Variants in NBPF15 observed in about 807,000 individuals in gnomAD.
NBPF15 encodes NBPF family member NBPF15.
Under a neutral mutation model 62.2 loss-of-function variants are expected in NBPF15, and 74 were observed. The observed-to-expected ratio is 1.19, with a 90% CI of 0.99 to 1.44. The LOEUF (loss-of-function observed/expected upper bound fraction) is 1.44. NBPF15 is among the 40% of genes most tolerant of loss of function. The pLI, the probability that NBPF15 is intolerant of heterozygous loss-of-function variation, is 0.00. For missense variants in NBPF15, 790 were observed against 550.0 expected (o/e 1.44, Z -4.36); for synonymous variants, 244 against 209.7 (o/e 1.16, Z -1.41).
At position 144,422,665 on chromosome 1, in the gene NBPF15, T is replaced by C. The variant is rs1391232470; in HGVS notation, c.*348A>G. The C allele has an allele frequency of 1.6e-5, 7 of 429,484 alleles. No individual in the cohort carries two copies. Among genetic ancestry groups the C allele is most frequent in the Non-Finnish European group, 2.5e-5 (6 of 236,422 alleles). The allele number at this position is 429,484 out of a possible 1,614,324, so 26.6% of individuals were successfully genotyped here. ...CCTTTGGATGAGCTAAACACAAAGA[T>C]GACAATGACCTTGAGCAGGTATAGA... On this transcript the variant is annotated 3_prime_UTR_variant, in exon 22 of 22. Coordinates refer to ENST00000581897, the MANE Select transcript of NBPF15 (RefSeq NM_001385408.1).
At chr1:144,450,514 A>C (rs1553545219) in intron 5 of NBPF15, among the ~76,000 whole-genome samples, 2 of 151,056 alleles carry the variant, frequency 1.3e-5, no homozygotes, top group Admixed American at 6.6e-5. Context: ...AGCTCTAGGA[A>C]TAAAACACAG....
intron 3 of NBPF15, among the ~76,000 whole-genome samples, chr1:144,458,089 G>GA (rs1222561766): frequency 0.036 from 4,673 of 131,458 alleles, 120 homozygotes; most frequent in Non-Finnish European, 0.052. Context: ...ACTGTCTCAA[G>GA]AAAAAAAAAA....
At chr1:144,429,349 A>G (rs1672493855) in intron 14 of NBPF15, among the ~76,000 whole-genome samples, 1 of 151,108 alleles carries the variant, frequency 6.6e-6, no homozygotes, top group African/African-American at 2.5e-5. Flanking sequence ...GGAATTTTGT[A>G]GCTGGCAAGA....
intron 19 of NBPF15, among the ~76,000 whole-genome samples, chr1:144,425,067 C>A (rs1196769025): frequency 8.8e-6 from 1 of 114,256 alleles, no homozygotes; most frequent in Non-Finnish European, 1.8e-5. Context: ...TAGACACACA[C>A]ACACACACAC....
At chr1:144,432,305 T>A (rs28879974) in intron 13 of NBPF15, among the ~76,000 whole-genome samples, 1 of 150,816 alleles carries the variant, frequency 6.6e-6, no homozygotes, top group Admixed American at 6.6e-5. Context: ...GCTCCTAAAG[T>A]AAGCACTAAA....
intron 3 of NBPF15, among the ~76,000 whole-genome samples, chr1:144,458,440 C>G (rs1209724126): frequency 6.6e-6 from 1 of 150,970 alleles, no homozygotes; most frequent in Non-Finnish European, 1.5e-5. Flanking sequence ...ATCTGAATTA[C>G]CAACACCCGT....
chr1:144,455,224 G>A (rs1553546593), intron 4 of NBPF15, among the ~76,000 whole-genome samples: 2 of 145,816 alleles, frequency 1.4e-5, no homozygotes, highest in Non-Finnish European at 1.5e-5. Context: ...AAGGAGGGAG[G>A]GAAAGAATAA....
At chr1:144,445,853 C>CTTT (rs1229682742) in intron 6 of NBPF15, among the ~76,000 whole-genome samples, 8 of 105,410 alleles carry the variant, frequency 7.6e-5, no homozygotes, top group Non-Finnish European at 1.4e-4. Flanking sequence ...GTTGACTTTC[C>CTTT]TTTTTTTTTT....
At position 144,456,668 on chromosome 1, in the gene NBPF15, G is replaced by T; in HGVS notation, c.-563C>A. The T allele has an allele frequency of 3.4e-6, 5 of 1,452,078 alleles. No homozygotes were observed. The highest frequency in any genetic ancestry group is 4.6e-6 in the Non-Finnish European group (5 of 1,093,240). 89.9% of individuals were successfully genotyped at this position (1,452,078 alleles called of 1,614,324 possible). On this transcript the variant is annotated 5_prime_UTR_variant, in exon 4 of 22. It adds an upstream start codon to the 5' untranslated region. Coordinates refer to ENST00000581897, the MANE Select transcript of NBPF15 (RefSeq NM_001385408.1). ...CCCTGGACAGTGGGAGTTGGTGGCA[G>T]CCCCAGCGTGGAGGCCAAGAACACA...
chr1:144,428,969 G>A (rs1300291989), intron 14 of NBPF15, among the ~76,000 whole-genome samples: 2 of 151,952 alleles, frequency 1.3e-5, no homozygotes, highest in African/African-American at 4.8e-5. Context: ...ACACCTCATA[G>A]GAGAGATACT....
intron 3 of NBPF15, among the ~76,000 whole-genome samples, chr1:144,457,793 T>C (rs199964762): frequency 6.6e-6 from 1 of 151,970 alleles, no homozygotes; most frequent in Non-Finnish European, 1.5e-5. Flanking sequence ...ACATAAAAAT[T>C]ATTAAAACTA....
intron 13 of NBPF15, among the ~76,000 whole-genome samples, chr1:144,431,991 C>A (rs1309412094): frequency 6.6e-6 from 1 of 151,426 alleles, no homozygotes; most frequent in Non-Finnish European, 1.5e-5. Flanking sequence ...GATTTATAAT[C>A]ATTTGGGTAC....
In NBPF15 at chr1:144,437,793, C is replaced by T. The variant is rs1226782089; in HGVS notation, c.278+152G>A. The T allele has an allele frequency of 1.8e-5, 13 of 721,188 alleles. 1 individual carries two copies. Among genetic ancestry groups the T allele is most frequent in the Middle Eastern group, 4.0e-4 (1 of 2,516 alleles). The allele number at this position is 721,188 out of a possible 1,614,324, so 44.7% of individuals were successfully genotyped here. On this transcript the variant is annotated intron_variant, in intron 9 of 21. Transcript: ENST00000581897. ...CATACATTTTTATTATCCTTCTTCT[C>T]TGTTTGATAAATATTTGTGTGTAGC... is the stretch of plus-strand genomic sequence containing the variant.
In NBPF15 at chr1:144,423,138, T is replaced by A; in HGVS notation, c.1888A>T (p.Ser630Cys). ...TCTTCCTCAAATGAGTAAAACACAC[T>A]TCTGTAGTGCTGGAATGAGTCAGGT... ...EQPDSFQHYR[S>C]VFYSFEEEHI... The change falls in exon 22 of 22, where the codon AGT becomes TGT. Residue 630 changes from serine (S) to cysteine (C), a missense_variant. Coordinates refer to ENST00000581897, the MANE Select transcript of NBPF15 (RefSeq NM_001385408.1). The A allele has an allele frequency of 1.2e-6, 2 of 1,611,584 alleles. No individual in the cohort carries two copies. The highest frequency in any genetic ancestry group is 1.7e-6 in the Non-Finnish European group (2 of 1,179,606).
intron 6 of NBPF15, among the ~76,000 whole-genome samples, chr1:144,446,273 T>C (rs1687474594): frequency 6.7e-6 from 1 of 148,162 alleles, no homozygotes; most frequent in Non-Finnish European, 1.5e-5. Context: ...CCACTTATAT[T>C]GAGAGCTTAC....
At chr1:144,439,230 C>T (rs1329075213) in intron 8 of NBPF15, among the ~76,000 whole-genome samples, 1 of 151,794 alleles carries the variant, frequency 6.6e-6, no homozygotes, top group East Asian at 1.9e-4. Context: ...GATCTGCCCG[C>T]CTCAGCCTCC....
At chr1:144,455,982 G>A (rs1447661102) in intron 4 of NBPF15, among the ~76,000 whole-genome samples, 6 of 151,998 alleles carry the variant, frequency 3.9e-5, no homozygotes, top group Admixed American at 2.0e-4. Flanking sequence ...TGGGAGATGG[G>A]AACGGCCTTC....
chr1:144,423,554 C>A (rs1200332091), intron 21 of NBPF15, among the ~76,000 whole-genome samples: 1 of 151,854 alleles, frequency 6.6e-6, no homozygotes, highest in Non-Finnish European at 1.5e-5. Context: ...GAGTTAGTGC[C>A]CTCATGACAC....
chr1:144,435,590 GAC>G, intron 11 of NBPF15, among the ~76,000 whole-genome samples, 189 bp downstream of exon 11: 1 of 152,210 alleles, frequency 6.6e-6, no homozygotes, highest in South Asian at 2.1e-4. Context: ...GTACGGTGCA[GAC>G]ATGACACTCG....
Sources: gnomAD v4.1 joint callset for allele counts (sites outside exome capture counted in the v4.1 genomes callset) on GRCh38, gnomAD v4.1.1 for gene constraint, MANE v1.5 for transcripts, NCBI Gene and HGNC (gene_info 2026-07-23, HGNC 2026-07-21) for gene names.